MARCHF3: variants seen among roughly 807,000 people sequenced by gnomAD.
MARCHF3 encodes the protein E3 ubiquitin-protein ligase MARCHF3.
A neutral mutation model predicts 24.2 loss-of-function variants in MARCHF3; 13 were observed. That is an observed-to-expected ratio of 0.54 (90% CI 0.35 to 0.85). The LOEUF (loss-of-function observed/expected upper bound fraction) is 0.85. Ranked by LOEUF, MARCHF3 falls within the 40% of genes least tolerant of loss-of-function variation. The pLI, the probability that MARCHF3 is intolerant of heterozygous loss-of-function variation, is 0.01. For synonymous variants in MARCHF3, 144 were observed against 137.3 expected (o/e 1.05, Z -0.34); for missense variants, 276 against 325.0 (o/e 0.85, Z 1.16).
At chr5:126,948,533 TA>T (rs2126814080) in intron 1 of MARCHF3, among the ~76,000 whole-genome samples, 1 of 152,242 alleles carries the variant, frequency 6.6e-6, no homozygotes, top group South Asian at 2.1e-4. Context: ...ATATGCTGAA[TA>T]AAAGAATGAA....
intron 3 of MARCHF3, among the ~76,000 whole-genome samples, chr5:126,879,441 C>T (rs1009638252): frequency 1.3e-5 from 2 of 152,160 alleles, no homozygotes; most frequent in Admixed American, 1.3e-4. Flanking sequence ...TCCTGAACCT[C>T]CTCACTTAGG....
At chr5:126,975,260 G>A (rs1751153659) in intron 1 of MARCHF3, among the ~76,000 whole-genome samples, 3 of 152,088 alleles carry the variant, frequency 2.0e-5, no homozygotes, top group Admixed American at 2.0e-4. Flanking sequence ...TGGCTGAAGT[G>A]GGATATAATA....
chr5:126,887,435 A>C (rs1173265863), intron 3 of MARCHF3, among the ~76,000 whole-genome samples: 1 of 152,230 alleles, frequency 6.6e-6, no homozygotes, highest in African/African-American at 2.4e-5. Context: ...TCATTATTTT[A>C]ATGTTAGTTA....
At chr5:126,972,735 C>T (rs1216972544) in intron 1 of MARCHF3, among the ~76,000 whole-genome samples, 1 of 152,140 alleles carries the variant, frequency 6.6e-6, no homozygotes, top group Non-Finnish European at 1.5e-5. Context: ...ACTGCATGCT[C>T]AAATTTATTC....
chr5:126,943,219 A>C (rs1749890377), intron 1 of MARCHF3, among the ~76,000 whole-genome samples: 1 of 152,184 alleles, frequency 6.6e-6, no homozygotes, highest in Non-Finnish European at 1.5e-5. Context: ...ACTTGAACCC[A>C]GGAGGTAGAG....
intron 1 of MARCHF3, among the ~76,000 whole-genome samples, chr5:126,980,515 TGC>T (rs1338175763): frequency 6.6e-6 from 1 of 151,952 alleles, no homozygotes; most frequent in African/African-American, 2.4e-5. Flanking sequence ...GGACTACAGG[TGC>T]GCACCACCAG....
intron 2 of MARCHF3, among the ~76,000 whole-genome samples, chr5:126,916,692 G>GACTCACAC (rs1554065295): frequency 2.3e-5 from 3 of 130,482 alleles, no homozygotes; most frequent in African/African-American, 3.2e-5. Flanking sequence ...CAGACAGACA[G>GACTCACAC]ACACACACAC....
intron 3 of MARCHF3, among the ~76,000 whole-genome samples, chr5:126,908,657 G>C (rs1754393512): frequency 6.6e-6 from 1 of 151,612 alleles, no homozygotes; most frequent in South Asian, 2.1e-4. Flanking sequence ...CTCGAGCCTT[G>C]GTTTTCAGCT....
chr5:126,930,813 C>A (rs1749459372), intron 1 of MARCHF3, among the ~76,000 whole-genome samples: 1 of 152,236 alleles, frequency 6.6e-6, no homozygotes, highest in Admixed American at 6.5e-5. Context: ...TGACAAGTGT[C>A]TCTGAGACTG....
At chr5:126,905,383 T>C (rs1478424789) in intron 3 of MARCHF3, among the ~76,000 whole-genome samples, 1 of 145,248 alleles carries the variant, frequency 6.9e-6, no homozygotes, top group Non-Finnish European at 1.5e-5. Flanking sequence ...GGGATGGCAT[T>C]GAATCTGTAA....
intron 1 of MARCHF3, among the ~76,000 whole-genome samples, chr5:127,029,226 C>A (rs751863928): frequency 1.3e-5 from 2 of 152,184 alleles, no homozygotes; most frequent in Non-Finnish European, 2.9e-5. Context: ...TACACACACT[C>A]ACACATATAC....
At chr5:126,900,093 T>TAGA (rs1754055224) in intron 3 of MARCHF3, among the ~76,000 whole-genome samples, 1 of 152,134 alleles carries the variant, frequency 6.6e-6, no homozygotes, top group Admixed American at 6.6e-5. Flanking sequence ...TCTGATTTAA[T>TAGA]AGACGAATCT....
intron 3 of MARCHF3, among the ~76,000 whole-genome samples, chr5:126,912,923 G>A (rs1754589609): frequency 6.6e-6 from 1 of 152,206 alleles, no homozygotes; most frequent in South Asian, 2.1e-4. Context: ...ACTGGTGACC[G>A]TTTGGGTGAA....
intron 1 of MARCHF3, among the ~76,000 whole-genome samples, chr5:127,005,034 C>T (rs555991502): frequency 6.6e-6 from 1 of 151,738 alleles, no homozygotes; most frequent in East Asian, 1.9e-4. Flanking sequence ...TCCCAGTGGA[C>T]TTGTAAACTC....
intron 3 of MARCHF3, among the ~76,000 whole-genome samples, chr5:126,900,430 G>T (rs1292956535): frequency 1.3e-5 from 2 of 152,008 alleles, no homozygotes; most frequent in Non-Finnish European, 2.9e-5. Context: ...CCTTACAAAA[G>T]AGACTCCAGA....
At chr5:126,909,347 C>G (rs1227448256) in intron 3 of MARCHF3, among the ~76,000 whole-genome samples, 1 of 152,212 alleles carries the variant, frequency 6.6e-6, no homozygotes, top group South Asian at 2.1e-4. Context: ...GTGGGCTCCA[C>G]CCAGTTCAAG....
intron 1 of MARCHF3, among the ~76,000 whole-genome samples, chr5:126,945,887 T>C (rs538332528): frequency 6.6e-6 from 1 of 152,192 alleles, no homozygotes; most frequent in East Asian, 1.9e-4. Flanking sequence ...CTCATCAGAG[T>C]TGCTTCAGAG....
rs145255477 is a variant in MARCHF3 at position 127,023,217 on chromosome 5, T to G, written c.-57+7133A>C. On this transcript the variant is annotated intron_variant, in intron 1 of 4. Transcript: ENST00000308660. ...TGCAGGACATCCATATATAATGAAA[T>G]CCACCAATATAAGTCCCCTATTTGG... 9.7e-3 allele frequency among the ~76,000 whole-genome samples: 1,469 copies of G among 152,206 alleles called. 28 individuals are homozygous for G. The highest frequency in any genetic ancestry group is 0.033 in the African/African-American group (1,380 of 41,516).
chr5:127,017,271 AT>A (rs1752666073), intron 1 of MARCHF3, among the ~76,000 whole-genome samples: 1 of 152,200 alleles, frequency 6.6e-6, no homozygotes, highest in Admixed American at 6.5e-5. Flanking sequence ...ATAAAAAAAA[AT>A]GAATTATCCC....
Sources: allele counts gnomAD v4.1 joint callset (sites outside exome capture counted in the v4.1 genomes callset), GRCh38; gene constraint gnomAD v4.1.1; transcripts MANE v1.5; gene names NCBI Gene and HGNC (gene_info 2026-07-23, HGNC 2026-07-21).